The following DPP6 variants were observed in gnomAD, a reference collection of about 807,000 sequenced individuals.
The protein encoded by DPP6 is dipeptidyl peptidase like 6.
In DPP6, 69 loss-of-function variants were observed where a neutral mutation model predicts 122.6. The ratio of observed to expected loss-of-function variants is 0.56; its 90% CI spans 0.46 to 0.69. The LOEUF (loss-of-function observed/expected upper bound fraction) is 0.69, where lower values mean the gene tolerates loss of function less well. DPP6 is among the 30% of genes least tolerant of loss of function. The pLI, the probability that DPP6 is intolerant of heterozygous loss-of-function variation, is 0.00. For synonymous variants in DPP6, 418 were observed against 433.1 expected, an observed-to-expected ratio of 0.97 and a Z score of 0.43; for missense variants, 928 against 1,116.9, an observed-to-expected ratio of 0.83 and a Z score of 2.41.
intron 1 of DPP6, among the ~76,000 whole-genome samples, chr7:154,365,351 TAG>T (rs1812063673): frequency 1.3e-5 from 2 of 152,118 alleles, no homozygotes; most frequent in African/African-American, 4.8e-5. Flanking sequence ...ACGGATTTAG[TAG>T]AGACCATAAA....
chr7:154,724,928 G>A (rs759371072), intron 7 of DPP6, among the ~76,000 whole-genome samples: 2 of 152,308 alleles, frequency 1.3e-5, no homozygotes, highest in African/African-American at 2.4e-5. Context: ...CAAATTGTAT[G>A]TAATGCATAT....
chr7:153,846,973 C>A, the DPP6 span, among the ~76,000 whole-genome samples: 1 of 152,120 alleles, frequency 6.6e-6, no homozygotes. Flanking sequence ...AGGCATGAGC[C>A]ACCGTGCCTG....
chr7:154,769,148 G>C (rs1237297922), intron 8 of DPP6, among the ~76,000 whole-genome samples: 2 of 152,172 alleles, frequency 1.3e-5, no homozygotes, highest in Non-Finnish European at 2.9e-5. Context: ...GAAAAAAAAA[G>C]TGTTTCCAGA....
At chr7:154,144,760 C>G (rs1796009315) in intron 1 of DPP6, among the ~76,000 whole-genome samples, 1 of 151,974 alleles carries the variant, frequency 6.6e-6, no homozygotes, top group South Asian at 2.1e-4. Flanking sequence ...CCTAATCCAA[C>G]AAAACTGACA....
chr7:154,358,430 C>T lies in DPP6; in HGVS notation c.244-87784C>T, dbSNP rs143940135. Among the ~76,000 whole-genome samples, 127 of 152,198 alleles carry T rather than the reference C, an allele frequency of 8.3e-4. No individual in the cohort carries two copies. The East Asian group carries it at 0.022, about 27-fold the overall frequency. On this transcript the variant is annotated intron_variant, in intron 1 of 25. Transcript: ENST00000377770. ...GAACACTCTGTGGTTTCTGAAATGG[C>T]GGAGATGTGTCTGAAAGGTGTCATG...
At chr7:154,433,147 T>C (rs1480577069) in intron 1 of DPP6, among the ~76,000 whole-genome samples, 1 of 129,620 alleles carries the variant, frequency 7.7e-6, no homozygotes, top group Admixed American at 7.7e-5. Context: ...TTTTTTTTTT[T>C]TTTTTTTTTT....
intron 1 of DPP6, among the ~76,000 whole-genome samples, chr7:153,964,934 C>CTTTCTTTCTT (rs1795593235): frequency 9.1e-6 from 1 of 109,816 alleles, no homozygotes; most frequent in Non-Finnish European, 1.8e-5. Flanking sequence ...TTCTTTCTTT[C>CTTTCTTTCTT]TTTCTTTTTC....
chr7:154,228,318 G>T (rs1048697488), intron 1 of DPP6, among the ~76,000 whole-genome samples: 52 of 152,044 alleles, frequency 3.4e-4, no homozygotes, highest in African/African-American at 1.3e-3. Flanking sequence ...CTTCTGCAAG[G>T]GTCCTTGGCT....
chr7:153,904,383 C>A (rs904286398), intron 1 of DPP6, among the ~76,000 whole-genome samples: 12 of 152,128 alleles, frequency 7.9e-5, no homozygotes, highest in Non-Finnish European at 8.8e-5. Flanking sequence ...CACCATCTTT[C>A]AATTTTTTAC....
the DPP6 span, among the ~76,000 whole-genome samples, chr7:153,810,786 C>T: frequency 6.7e-6 from 1 of 149,804 alleles, no homozygotes; most frequent in East Asian, 2.0e-4. Context: ...GTCTTAAGTC[C>T]TAATCAACTT....
chr7:154,242,663 C>T (rs529979289), intron 1 of DPP6, among the ~76,000 whole-genome samples: 2 of 152,312 alleles, frequency 1.3e-5, no homozygotes, highest in South Asian at 4.1e-4. Context: ...CTGCACATCT[C>T]CAGCAGAACT....
chr7:154,226,964 C>G (rs1418402400), intron 1 of DPP6, among the ~76,000 whole-genome samples: 2 of 152,102 alleles, frequency 1.3e-5, no homozygotes, highest in Non-Finnish European at 2.9e-5. Flanking sequence ...AAAGTGAGCC[C>G]TGTGCTATTG....
intron 10 of DPP6, among the ~76,000 whole-genome samples, chr7:154,782,116 C>T (rs1050287671): frequency 6.6e-6 from 1 of 152,154 alleles, no homozygotes; most frequent in African/African-American, 2.4e-5. Flanking sequence ...AAGTTAGTGG[C>T]TTGCCCATCT....
intron 16 of DPP6, among the ~76,000 whole-genome samples, chr7:154,835,695 G>A (rs912475846): frequency 1.3e-5 from 2 of 152,196 alleles, no homozygotes; most frequent in South Asian, 2.1e-4. Flanking sequence ...CAAGCCATCC[G>A]GGTGATTCAG....
rs750832223 is a variant in DPP6, at chr7:154,807,024, G to C, written c.1578G>C (p.Gln526His). The part of the protein sequence containing the change: ...SANTVGNFNR[Q>H]CLSCDLVENC... The stretch of plus-strand genomic sequence containing the variant: ...ACACGGTGGGCAACTTCAACAGGCA[G>C]TGCCTCTCCTGTGACCTGGTTGAGA... Residue 526 changes from glutamine to histidine, a missense_variant, in exon 16 of 26, where the codon CAG becomes CAC. Gln to His is a conservative substitution (Grantham distance 24). Coordinates refer to ENST00000377770, the MANE Select transcript of DPP6 (RefSeq NM_130797.4). 3 of 1,613,896 alleles carry C rather than the reference G, an allele frequency of 1.9e-6. No homozygotes were observed. In the East Asian group the frequency reaches 6.7e-5, roughly 36 times the overall value.
chr7:154,740,905 T>A (rs1842789504), intron 8 of DPP6, among the ~76,000 whole-genome samples: 1 of 152,226 alleles, frequency 6.6e-6, no homozygotes, highest in African/African-American at 2.4e-5. Flanking sequence ...ATCAGTCTTC[T>A]GTCTCCTTTA....
At chr7:154,386,342 T>G in intron 1 of DPP6, among the ~76,000 whole-genome samples, 1 of 150,744 alleles carries the variant, frequency 6.6e-6, no homozygotes, top group African/African-American at 2.4e-5. Flanking sequence ...TCTCCATGAG[T>G]AGGAGGAGGT....
chr7:154,424,866 C>G (rs1817760234), intron 1 of DPP6, among the ~76,000 whole-genome samples: 1 of 152,182 alleles, frequency 6.6e-6, no homozygotes, highest in African/African-American at 2.4e-5. Flanking sequence ...TGTTAGGTAA[C>G]CTCTGCCATC....
chr7:154,810,704 A>G (rs1393360157), intron 16 of DPP6, among the ~76,000 whole-genome samples: 1 of 151,650 alleles, frequency 6.6e-6, no homozygotes, highest in Non-Finnish European at 1.5e-5. Context: ...TCACACACAC[A>G]TGACTGACCC....
Sources: allele counts gnomAD v4.1 joint callset (sites outside exome capture counted in the v4.1 genomes callset), GRCh38; gene constraint gnomAD v4.1.1; transcripts MANE v1.5; gene names NCBI Gene and HGNC (gene_info 2026-07-23, HGNC 2026-07-21).